Variants in GGT1 observed in about 807,000 individuals in gnomAD.
GGT1 encodes the protein gamma-glutamyltransferase 1, also known as glutathione hydrolase 1 proenzyme.
GGT1 carries 21 observed loss-of-function variants against 56.0 expected under a neutral mutation model. The ratio of observed to expected loss-of-function variants is 0.38; its 90% CI spans 0.27 to 0.54. GGT1 has a LOEUF of 0.54. Ranked by LOEUF, GGT1 falls within the 20% of genes least tolerant of loss-of-function variation. The pLI, the probability that GGT1 is intolerant of heterozygous loss-of-function variation, is 0.82. For missense variants in GGT1, 466 were observed against 787.0 expected (o/e 0.59, Z 4.88); for synonymous variants, 238 against 342.6 (o/e 0.69, Z 3.37).
In GGT1 at chr22:24,623,143, G is replaced by A. The variant is rs375596144; in HGVS notation, c.770G>A (p.Arg257His). ...ACAGCTGAGGACCTGAACAACTACCGTGCTGAGCTGATCGAGCACCCGCTG... is the reference window on the plus strand; with the variant it reads ...ACAGCTGAGGACCTGAACAACTACCATGCTGAGCTGATCGAGCACCCGCTG... ...IVTAEDLNNY[R>H]AELIEHPLNI... The change falls in exon 10 of 16, where the codon CGT (arginine) becomes CAT (histidine). Residue 257 changes from arginine (R) to histidine (H), a missense_variant. This residue lies in a region of GGT1 where 456 missense variants were observed against 716.7 expected (regional missense o/e 0.64). Transcript: ENST00000400382. The A allele has an allele frequency of 3.7e-5, 60 of 1,610,592 alleles. No individual in the cohort carries two copies. Among genetic ancestry groups the A allele is most frequent in the Admixed American group, 8.4e-5 (5 of 59,854 alleles).
the GGT1 span, chr22:24,586,030 G>A: frequency 1.2e-6 from 2 of 1,611,020 alleles, no homozygotes; most frequent in Non-Finnish European, 1.7e-6. Flanking sequence ...AGGTGCGCTG[G>A]CTCAGCCGCC....
upstream of GGT1, among the ~76,000 whole-genome samples, chr22:24,590,483 A>C (rs1236164708): frequency 3.9e-5 from 6 of 152,130 alleles, no homozygotes; most frequent in Non-Finnish European, 8.8e-5. Context: ...AGTGAATCCC[A>C]GAACCCTTAG....
chr22:24,607,380 A>AG (rs1195184047), intron 1 of GGT1, among the ~76,000 whole-genome samples: 41 of 152,270 alleles, frequency 2.7e-4, no homozygotes, highest in African/African-American at 8.2e-4. Flanking sequence ...AGATGTTCTG[A>AG]ACAGGGACAG....
At chr22:24,622,283 G>A (rs391837) in intron 9 of GGT1, among the ~76,000 whole-genome samples, 4 of 151,884 alleles carry the variant, frequency 2.6e-5, no homozygotes, top group African/African-American at 4.8e-5. Flanking sequence ...AGCAAAACCC[G>A]GCCGGGCATG....
upstream of GGT1, among the ~76,000 whole-genome samples, chr22:24,590,592 G>A (rs1194694272): frequency 2.6e-5 from 4 of 152,190 alleles, no homozygotes; most frequent in Non-Finnish European, 5.9e-5. Context: ...TATGGTGGGG[G>A]GGTTTGCTCT....
the GGT1 span, chr22:24,586,213 C>T: frequency 7.4e-5 from 120 of 1,613,614 alleles, 2 homozygotes; most frequent in Middle Eastern, 9.9e-4. Flanking sequence ...TGAGGCGGGG[C>T]AGCGCCCACA....
chr22:24,612,244 CTTTTTTTTTTTTT>C lies in GGT1; in HGVS notation c.164+1008_164+1020del, dbSNP rs796939700. Reference sequence around the variant, plus strand: ...TGTGAGCCACCACGCCCGGCTTATTCTTTTTTTTTTTTTTTTTTTTTGGTTAGGAGACAATTTC... The same window carrying C: ...TGTGAGCCACCACGCCCGGCTTATTCTTTTTTTTGGTTAGGAGACAATTTC... On this transcript the variant is annotated intron_variant, in intron 5 of 15. Coordinates refer to ENST00000400382, the MANE Select transcript of GGT1 (RefSeq NM_001288833.2). 5.7e-3 allele frequency among the ~76,000 whole-genome samples: 427 copies of C among 75,380 alleles called. 6 individuals are homozygous for C. Among genetic ancestry groups the C allele is most frequent in the Non-Finnish European group, 5.5e-3 (181 of 33,064 alleles). The allele number at this position is 75,380 out of a possible 152,430, so 49.5% of individuals were successfully genotyped here.
At chr22:24,622,671 G>C (rs181257815) in intron 9 of GGT1, among the ~76,000 whole-genome samples, 33 of 152,156 alleles carry the variant, frequency 2.2e-4, no homozygotes, top group Non-Finnish European at 3.4e-4. Context: ...AGGATCACTT[G>C]AGCCCAGGAG....
chr22:24,591,318 A>G (rs1017447316), upstream of GGT1, among the ~76,000 whole-genome samples: 2 of 152,192 alleles, frequency 1.3e-5, no homozygotes, highest in Non-Finnish European at 2.9e-5. Flanking sequence ...ACTTCAGGTG[A>G]TCTGCCTGCC....
chr22:24,622,506 G>A (rs2047487926), intron 9 of GGT1, among the ~76,000 whole-genome samples: 1 of 152,212 alleles, frequency 6.6e-6, no homozygotes, highest in Admixed American at 6.5e-5. Flanking sequence ...GGAGCTTGCA[G>A]TGAGCCGATA....
rs538911403 is a variant in GGT1, at chr22:24,620,774, G to A, written c.576-139G>A. On this transcript the variant is annotated intron_variant, in intron 8 of 15. Transcript: ENST00000400382. The surrounding 1 kb of genome is among the most constrained non-coding windows in gnomAD (Gnocchi z 5.6). Reference sequence around the variant, plus strand: ...CTCCCGGAAGGGACACTAGGAAGACGAGCGCTGAGTGACAGGGCCACCCAC... The same window carrying A: ...CTCCCGGAAGGGACACTAGGAAGACAAGCGCTGAGTGACAGGGCCACCCAC... 4 of 1,454,804 alleles carry A rather than the reference G, an allele frequency of 2.7e-6. No individual in the cohort carries two copies. The highest frequency in any genetic ancestry group is 2.5e-5 in the Admixed American group (1 of 39,448). The allele number at this position is 1,454,804 out of a possible 1,614,324, so 90.1% of individuals were successfully genotyped here. A position where few individuals can be genotyped will look rare whatever the true frequency, so the allele number is the denominator to read the frequency against.
Position 24,628,776 on chromosome 22 carries a change from C to T in GGT1, c.1647C>T (p.Arg549=), listed in dbSNP as rs563285461. The change falls in exon 16 of 16, where the codon CGC becomes CGT. Residue 549 remains arginine (R), a synonymous_variant. Transcript: ENST00000400382. The surrounding 1 kb of genome is among the most constrained non-coding windows in gnomAD (Gnocchi z 5.7). ...TCGCTGTGGTGCAAGCCATCGTCCG[C>T]ACGGCTGGTGGCTGGGCAGCTGCCT... ...TFIAVVQAIV[R]TAGGWAAASD... The T allele has an allele frequency of 6.2e-7, 1 of 1,608,506 alleles. No individual in the cohort carries two copies. Among genetic ancestry groups the T allele is most frequent in the East Asian group, 2.2e-5 (1 of 44,848 alleles).
upstream of GGT1, among the ~76,000 whole-genome samples, chr22:24,600,923 G>A (rs2045770762): frequency 6.6e-6 from 1 of 152,258 alleles, no homozygotes; most frequent in Non-Finnish European, 1.5e-5. Flanking sequence ...ATCTTTGGAG[G>A]TAGTGAGCTC....
intron 1 of GGT1, chr22:24,607,519 C>T (rs2046396586): frequency 6.5e-6 from 1 of 153,448 alleles, no homozygotes; most frequent in Admixed American, 6.5e-5. Context: ...CATCCAGGGC[C>T]CTCCCAGGGC....
intron 9 of GGT1, among the ~76,000 whole-genome samples, chr22:24,622,297 G>C (rs1015243533): frequency 3.3e-5 from 5 of 152,072 alleles, no homozygotes; most frequent in Non-Finnish European, 7.4e-5. Flanking sequence ...GGGCATGGTG[G>C]CTCACGCCTG....
rs1021032579 is a variant in GGT1 at position 24,628,910 on chromosome 22, T to C, written c.*71T>C. 10 of 1,598,082 alleles carry C rather than the reference T, an allele frequency of 6.3e-6. No individual in the cohort carries two copies. The African/African-American group carries it at 1.2e-4, about 19-fold the overall frequency. Reference sequence around the variant, plus strand: ...CTCACCAGGACCAGGAAGGGGACTCTGGGGGACCGGCTTCCCCTGTGAGCA... The same window carrying C: ...CTCACCAGGACCAGGAAGGGGACTCCGGGGGACCGGCTTCCCCTGTGAGCA... On this transcript the variant is annotated 3_prime_UTR_variant, in exon 16 of 16. Transcript: ENST00000400382. This position sits in a 1 kb window ranked among gnomAD's most constrained non-coding sequence, Gnocchi z 5.7.
upstream of GGT1, among the ~76,000 whole-genome samples, chr22:24,601,084 C>T (rs2045773196): frequency 6.6e-6 from 1 of 152,154 alleles, no homozygotes; most frequent in Non-Finnish European, 1.5e-5. Context: ...CAAGTGTCTC[C>T]TTGGTGCAGG....
the GGT1 span, chr22:24,588,908 G>T: frequency 1.6e-5 from 16 of 1,003,486 alleles, no homozygotes; most frequent in African/African-American, 1.2e-4. Context: ...CAGAGGCCCA[G>T]CTCAGGGTGG....
At position 24,620,760 on chromosome 22, in the gene GGT1, G is replaced by A; in HGVS notation, c.576-153G>A. 1 of 1,459,244 alleles carries A rather than the reference G, an allele frequency of 6.9e-7. No individual in the cohort carries two copies. The highest frequency in any genetic ancestry group is 9.1e-7 in the Non-Finnish European group (1 of 1,101,408). 90.4% of individuals were successfully genotyped at this position (1,459,244 alleles called of 1,614,324 possible). A position where few individuals can be genotyped will look rare whatever the true frequency, so the allele number is the denominator to read the frequency against. ...GGGACACTAGGAAGCTCCCGGAAGG[G>A]ACACTAGGAAGACGAGCGCTGAGTG... On this transcript the variant is annotated intron_variant, in intron 8 of 15. Transcript: ENST00000400382. The surrounding 1 kb of genome is among the most constrained non-coding windows in gnomAD (Gnocchi z 5.6).
Sources: gnomAD v4.1 joint callset for allele counts (sites outside exome capture counted in the v4.1 genomes callset) on GRCh38, gnomAD v4.1.1 for gene constraint, gnomAD v4.1.1 regional missense constraint, Gnocchi (gnomAD v3.1) non-coding constraint, MANE v1.5 for transcripts, NCBI Gene and HGNC (gene_info 2026-07-23, HGNC 2026-07-21) for gene names.